Variants in NLRP12 observed in about 807,000 individuals in gnomAD.
NLRP12 encodes NACHT, LRR and PYD domains-containing protein 12.
A neutral mutation model predicts 91.2 loss-of-function variants in NLRP12; 108 were observed. The observed-to-expected ratio is 1.18, with a 90% CI of 1.01 to 1.39. The LOEUF (loss-of-function observed/expected upper bound fraction) is 1.39, where lower values mean the gene tolerates loss of function less well. Among genes scored for constraint, NLRP12 ranks in the 40% most tolerant of loss-of-function variants. The pLI is 0.00. For synonymous variants in NLRP12, 613 were observed against 566.7 expected, an observed-to-expected ratio of 1.08 and a Z score of -1.16; for missense variants, 1,530 against 1,352.7, an observed-to-expected ratio of 1.13 and a Z score of -2.06.
rs1262306029 is a variant in NLRP12 at position 53,795,986 on chromosome 19, A to G, written c.2971T>C (p.Tyr991His). ...GTCTGGTTGATCCCCAGGGTGAAGT[A>G]AAGATTCTCACAAGCCTTGGCTGTG... ...GLTAKACENL[Y>H]FTLGINQTLT... The change falls in exon 9 of 10, where the codon TAC becomes CAC. Residue 991 changes from tyrosine to histidine, a missense_variant. Physicochemically the swap from Tyr to His is moderately conservative, Grantham distance 83. Coordinates refer to ENST00000324134, the MANE Select transcript of NLRP12 (RefSeq NM_144687.4). The G allele has an allele frequency of 4.3e-6, 7 of 1,614,152 alleles. No individual in the cohort carries two copies. The South Asian group carries it at 4.4e-5, about 10-fold the overall frequency.
intron 2 of NLRP12, among the ~76,000 whole-genome samples, chr19:53,813,029 C>T (rs894507367): frequency 2.7e-5 from 4 of 150,858 alleles, no homozygotes; most frequent in East Asian, 2.0e-4. Flanking sequence ...TACAGGTGCT[C>T]GCCACCACAC....
At chr19:53,817,029 C>A (rs1019460523) in intron 1 of NLRP12, among the ~76,000 whole-genome samples, 1 of 150,750 alleles carries the variant, frequency 6.6e-6, no homozygotes, top group East Asian at 2.0e-4. Context: ...CGGTGGCTCA[C>A]GCCTGTAATC....
At chr19:53,807,700 T>C in intron 3 of NLRP12, 35 bp from the exon 4 acceptor site, 2 of 1,612,520 alleles carry the variant, frequency 1.2e-6, no homozygotes, top group Non-Finnish European at 1.7e-6. Flanking sequence ...TCTCTGGTGT[T>C]ACTGGTGCTT....
Position 53,810,460 on chromosome 19 carries a change from A to G in NLRP12, c.1199T>C (p.Met400Thr). 1 of 1,614,100 alleles carries G rather than the reference A, an allele frequency of 6.2e-7. No homozygotes were observed. Among genetic ancestry groups the G allele is most frequent in the East Asian group, 2.2e-5 (1 of 44,884 alleles). The change falls in exon 3 of 10, where the codon ATG becomes ACG. Residue 400 changes from methionine (M) to threonine (T), a missense_variant. Transcript: ENST00000324134. ...CCAGCACACCAGGGGGACGAAGCAC[A>G]TGGTGAAGAGAGGCTCGTTGTCCCT... Reference protein sequence around the residue: ...YVRDNEPLFTMCFVPLVCWVV... With the variant: ...YVRDNEPLFTTCFVPLVCWVV...
rs562595956 is a variant in NLRP12 at position 53,807,078 on chromosome 19, T to C, written c.2243+417A>G. 6.7e-5 allele frequency among the ~76,000 whole-genome samples: 10 copies of C among 148,306 alleles called. No homozygotes were observed. In the South Asian group the frequency reaches 1.3e-3, roughly 19 times the overall value. On this transcript the variant is annotated intron_variant, in intron 4 of 9. Coordinates refer to ENST00000324134, the MANE Select transcript of NLRP12 (RefSeq NM_144687.4). ...AGCCACCCAGTCTTTGGCACTTTTT[T>C]CCCCCCTGAGATGGAGTCTCACCGT...
intron 6 of NLRP12, 170 bp downstream of exon 6, chr19:53,803,782 C>T (rs1263745460): frequency 3.0e-6 from 2 of 667,340 alleles, no homozygotes; most frequent in South Asian, 3.1e-5. Context: ...CCGTGTTGGC[C>T]AGGCTGGTCT....
At chr19:53,809,461 G>A in intron 3 of NLRP12, 126 bp downstream of exon 3, 1 of 939,050 alleles carries the variant, frequency 1.1e-6, no homozygotes, top group Non-Finnish European at 1.6e-6. Flanking sequence ...AACCCGGGAG[G>A]CGGAGGTTGC....
Position 53,809,894 on chromosome 19 carries a change from T to C in NLRP12, c.1765A>G (p.Met589Val). 4 of 1,614,082 alleles carry C rather than the reference T, an allele frequency of 2.5e-6. No individual in the cohort carries two copies. Among genetic ancestry groups the C allele is most frequent in the Non-Finnish European group, 3.4e-6 (4 of 1,180,036 alleles). ...CTTTGGATCCACTGCAACAGGTCCATCTTGATGTGCGGCGAGACCTTCCAG... is the reference window on the plus strand; with the variant it reads ...CTTTGGATCCACTGCAACAGGTCCACCTTGATGTGCGGCGAGACCTTCCAG... ...LCWKVSPHIK[M>V]DLLQWIQSKA... Residue 589 changes from methionine (M) to valine (V), a missense_variant, in exon 3 of 10, where the codon ATG becomes GTG. Physicochemically the swap from Met to Val is conservative, Grantham distance 21. Coordinates refer to ENST00000324134, the MANE Select transcript of NLRP12 (RefSeq NM_144687.4).
chr19:53,803,529 A>G (rs570882497), intron 6 of NLRP12, among the ~76,000 whole-genome samples: 50 of 151,742 alleles, frequency 3.3e-4, no homozygotes, highest in African/African-American at 1.2e-3. Flanking sequence ...GCTCCCGTTA[A>G]ACGGTAACTC....
chr19:53,812,135 C>CTT (rs748799339), intron 2 of NLRP12, among the ~76,000 whole-genome samples: 48 of 145,180 alleles, frequency 3.3e-4, no homozygotes, highest in Non-Finnish European at 6.5e-4. Context: ...GCTTCTCAAA[C>CTT]TTTTTTTTTT....
intron 1 of NLRP12, among the ~76,000 whole-genome samples, chr19:53,817,841 G>C (rs2092186114): frequency 6.6e-6 from 1 of 151,956 alleles, no homozygotes; most frequent in Middle Eastern, 3.2e-3. Context: ...CGTCCAGGCT[G>C]GTGTGATGTT....
At chr19:53,801,484 C>G in intron 6 of NLRP12, 87 bp from the exon 7 acceptor site, 2 of 1,491,282 alleles carry the variant, frequency 1.3e-6, no homozygotes, top group Non-Finnish European at 1.8e-6. Context: ...CAGAGTCCCA[C>G]TCTGTTGCCC....
At chr19:53,803,760 G>A (rs1600689577) in intron 6 of NLRP12, 192 bp downstream of exon 6, 1 of 607,442 alleles carries the variant, frequency 1.6e-6, no homozygotes, top group Non-Finnish European at 3.0e-6. Context: ...CTTTAGTAGA[G>A]AGGGGGTTTC....
At chr19:53,805,751 A>G (rs533062404) in intron 4 of NLRP12, 3 of 396,178 alleles carry the variant, frequency 7.6e-6, no homozygotes, top group South Asian at 6.3e-5. Context: ...CTCCTGGGTC[A>G]AGTGATCCTC....
intron 3 of NLRP12, 55 bp downstream of exon 3, chr19:53,809,532 A>AAAAAC: frequency 4.3e-6 from 6 of 1,399,042 alleles, no homozygotes; most frequent in Non-Finnish European, 4.8e-6. Flanking sequence ...AAAAAAAAAA[A>AAAAAC]AAAAAAAAAC....
intron 1 of NLRP12, among the ~76,000 whole-genome samples, chr19:53,818,273 C>G (rs531504183): frequency 6.6e-6 from 1 of 152,046 alleles, no homozygotes; most frequent in African/African-American, 2.4e-5. Context: ...GGGGTTTTGC[C>G]ATGTTGCCTA....
intron 6 of NLRP12, 158 bp downstream of exon 6, chr19:53,803,794 G>C (rs753155671): frequency 1.4e-6 from 1 of 711,396 alleles, no homozygotes; most frequent in East Asian, 2.9e-5. Flanking sequence ...GGCTGGTCTC[G>C]AACTCCTGAC....
chr19:53,801,149 C>A lies in NLRP12; in HGVS notation c.2756+78G>T. ...GCTAGAGTTTAGGAGCAGAGACAAC[C>A]TGGCCTCCGTGGTCCCAGGTGAGAG... is the stretch of plus-strand genomic sequence containing the variant. On this transcript the variant is annotated intron_variant, in intron 7 of 9. Coordinates refer to ENST00000324134, the MANE Select transcript of NLRP12 (RefSeq NM_144687.4). The A allele has an allele frequency of 2.9e-6, 4 of 1,360,100 alleles. No homozygotes were observed. The East Asian group carries it at 9.2e-5, about 31-fold the overall frequency. The allele number at this position is 1,360,100 out of a possible 1,614,324, so 84.3% of individuals were successfully genotyped here. A position where few individuals can be genotyped will look rare whatever the true frequency, so the allele number is the denominator to read the frequency against.
chr19:53,810,770 C>T lies in NLRP12; in HGVS notation c.889G>A (p.Asp297Asn), dbSNP rs1425177132. ...TCGTGGAAAGAAGGCTTGAGCTCAT[C>T]GAAGCCGTCGATGATGAAAAGGAGG... ...ERLLFIIDGF[D>N]ELKPSFHDPQ... The change falls in exon 3 of 10, where the codon GAT (aspartate) becomes AAT (asparagine). Residue 297 changes from aspartate (D) to asparagine (N), a missense_variant. By Grantham distance (23) the Asp-to-Asn change is conservative. Coordinates refer to ENST00000324134, the MANE Select transcript of NLRP12 (RefSeq NM_144687.4). 5 of 1,613,970 alleles carry T rather than the reference C, an allele frequency of 3.1e-6. No individual in the cohort carries two copies. The highest frequency in any genetic ancestry group is 2.2e-5 in the South Asian group (2 of 91,080).
Sources: gnomAD v4.1 joint callset for allele counts (sites outside exome capture counted in the v4.1 genomes callset) on GRCh38, gnomAD v4.1.1 for gene constraint, MANE v1.5 for transcripts, NCBI Gene and HGNC (gene_info 2026-07-23, HGNC 2026-07-21) for gene names.